The following ZNF609 variants were observed in gnomAD, a reference collection of about 807,000 sequenced individuals.
ZNF609 encodes zinc finger protein 609.
In ZNF609, 11 loss-of-function variants were observed where a neutral mutation model predicts 109.5. That is an observed-to-expected ratio of 0.10 (90% CI 0.06 to 0.17). The LOEUF is 0.17. Among genes scored for constraint, ZNF609 ranks in the 10% least tolerant of loss-of-function variants. The probability of loss-of-function intolerance (pLI) is 1.00; values close to 1 mark genes in which losing one functional copy is unlikely to be tolerated. For missense variants in ZNF609, 1,559 were observed against 1,772.4 expected (o/e 0.88, Z 2.16); for synonymous variants, 646 against 662.0 (o/e 0.98, Z 0.37).
chr15:64,600,189 G>A (rs1296057405), intron 2 of ZNF609, among the ~76,000 whole-genome samples: 1 of 151,746 alleles, frequency 6.6e-6, no homozygotes, highest in Non-Finnish European at 1.5e-5. Context: ...GGTGGCTCAC[G>A]CCTATAATCC....
intron 5 of ZNF609, 67 bp downstream of exon 5, chr15:64,676,323 G>T: frequency 6.8e-7 from 1 of 1,479,198 alleles, no homozygotes; most frequent in East Asian, 2.3e-5. Context: ...CACAAATAAG[G>T]GCTGTCCTTA....
At chr15:64,646,965 A>C (rs1896345191) in intron 3 of ZNF609, among the ~76,000 whole-genome samples, 1 of 145,914 alleles carries the variant, frequency 6.9e-6, no homozygotes, top group Admixed American at 7.1e-5. Flanking sequence ...AAAAAAAATC[A>C]ACCTGGTATG....
At chr15:64,502,205 A>G (rs1356861915) in intron 2 of ZNF609, 2 of 152,226 alleles carry the variant, frequency 1.3e-5, no homozygotes, top group African/African-American at 4.8e-5. Flanking sequence ...ATAAGCAAGA[A>G]CCTGCTTTCT....
At chr15:64,636,410 TA>T (rs1446466857) in intron 3 of ZNF609, among the ~76,000 whole-genome samples, 2 of 152,184 alleles carry the variant, frequency 1.3e-5, no homozygotes, top group Non-Finnish European at 1.5e-5. Context: ...TTAGGGTATC[TA>T]AAAGCAGCCC....
chr15:64,537,579 A>G (rs1037949985), intron 2 of ZNF609, among the ~76,000 whole-genome samples: 2 of 152,156 alleles, frequency 1.3e-5, no homozygotes, highest in African/African-American at 4.8e-5. Context: ...AAAAAATACT[A>G]GAGCTGTATT....
intron 3 of ZNF609, among the ~76,000 whole-genome samples, chr15:64,628,064 G>A (rs1896000730): frequency 1.3e-5 from 2 of 151,558 alleles, no homozygotes; most frequent in African/African-American, 4.8e-5. Flanking sequence ...CTTGAGCCCA[G>A]GAGTTTGAGA....
At position 64,609,529 on chromosome 15, in the gene ZNF609, T is replaced by C. The variant is rs919122719; in HGVS notation, c.748-13298T>C. Among the ~76,000 whole-genome samples the C allele has an allele frequency of 2.3e-4, 34 of 150,668 alleles. No homozygotes were observed. In the East Asian group the frequency reaches 3.7e-3, roughly 16 times the overall value. On this transcript the variant is annotated intron_variant, in intron 2 of 9. Transcript: ENST00000326648. ...TTCATCATGTTGTCCAGGCTGGTCT[T>C]GAACTCCTGACCTCAGGTGATCCAC...
chr15:64,589,016 C>T (rs1228808592), intron 2 of ZNF609, among the ~76,000 whole-genome samples: 1 of 152,170 alleles, frequency 6.6e-6, no homozygotes, highest in African/African-American at 2.4e-5. Flanking sequence ...GTTTACACAT[C>T]AGAATGTTAT....
chr15:64,523,887 AAATGGCTTT>A (rs1893929506), intron 2 of ZNF609, among the ~76,000 whole-genome samples: 1 of 152,162 alleles, frequency 6.6e-6, no homozygotes, highest in East Asian at 1.9e-4. Flanking sequence ...CATGTTTATC[AAATGGCTTT>A]AATGTTCCTG....
At chr15:64,510,867 T>C (rs1386863627) in intron 2 of ZNF609, among the ~76,000 whole-genome samples, 1 of 152,174 alleles carries the variant, frequency 6.6e-6, no homozygotes, top group Non-Finnish European at 1.5e-5. Flanking sequence ...GATTATGTTT[T>C]GATGAGCCAG....
At chr15:64,616,514 C>CTTT (rs56145140) in intron 2 of ZNF609, among the ~76,000 whole-genome samples, 18 of 66,950 alleles carry the variant, frequency 2.7e-4, no homozygotes, top group Admixed American at 4.8e-4. Context: ...AAACTGATAT[C>CTTT]TTTTTTTTTT....
chr15:64,629,359 G>A (rs1337674460), intron 3 of ZNF609, among the ~76,000 whole-genome samples: 1 of 152,182 alleles, frequency 6.6e-6, no homozygotes, highest in East Asian at 1.9e-4. Flanking sequence ...GTTAGGAATG[G>A]CATTTAGCTG....
At chr15:64,507,434 C>G (rs1412448440) in intron 2 of ZNF609, among the ~76,000 whole-genome samples, 1 of 152,204 alleles carries the variant, frequency 6.6e-6, no homozygotes, top group Non-Finnish European at 1.5e-5. Flanking sequence ...GTGGTTTTCA[C>G]TCTTCAAGCC....
rs746675537 is a variant in ZNF609, at chr15:64,499,883, G to A, written c.464G>A (p.Gly155Asp). Reference protein sequence around the residue: ...KAAKASRSVAGSKKEKENSSS... With the variant: ...KAAKASRSVADSKKEKENSSS... ...GCTAAGGCATCCCGCAGTGTAGCCG[G>A]TTCCAAAAAGGAGAAGGAGAACAGC... is the stretch of plus-strand genomic sequence containing the variant. The change falls in exon 2 of 10, where the codon GGT (glycine) becomes GAT (aspartate). Residue 155 changes from glycine to aspartate, a missense_variant. Gly to Asp is a moderately conservative substitution (Grantham distance 94). Transcript: ENST00000326648. The A allele has an allele frequency of 1.2e-6, 2 of 1,614,056 alleles. No individual in the cohort carries two copies. The highest frequency in any genetic ancestry group is 3.3e-5 in the Admixed American group (2 of 59,990).
chr15:64,481,319 C>CTTT (rs889184379), intron 1 of ZNF609, among the ~76,000 whole-genome samples: 5 of 127,268 alleles, frequency 3.9e-5, no homozygotes, highest in Admixed American at 8.0e-5. Flanking sequence ...TTTCTTTTTT[C>CTTT]TTTTTTTTTT....
At chr15:64,678,584 GCTC>G (rs1896839627) in intron 6 of ZNF609, 102 bp downstream of exon 6, 1 of 1,486,852 alleles carries the variant, frequency 6.7e-7, no homozygotes, top group African/African-American at 1.4e-5. Context: ...GCATATTGAG[GCTC>G]GCTTAGATGA....
intron 3 of ZNF609, among the ~76,000 whole-genome samples, chr15:64,662,630 G>A (rs1032805795): frequency 9.5e-5 from 14 of 147,682 alleles, no homozygotes; most frequent in African/African-American, 3.5e-4. Flanking sequence ...TGGCCATGAA[G>A]CATTTTTAAA....
rs894860124 is a variant in ZNF609, at chr15:64,641,310, C to G, written c.973+18258C>G. On this transcript the variant is annotated intron_variant, in intron 3 of 9. Transcript: ENST00000326648. ...TCGGCTCACCACAACCTCTGCCTCC[C>G]AGGTTCAAGCAATTCTCCTGCTTCA... Among the ~76,000 whole-genome samples, 7 of 146,808 alleles carry G rather than the reference C, an allele frequency of 4.8e-5. No individual in the cohort carries two copies. In the East Asian group the frequency reaches 1.2e-3, roughly 26 times the overall value.
At chr15:64,637,578 C>T (rs1241341693) in intron 3 of ZNF609, among the ~76,000 whole-genome samples, 1 of 152,072 alleles carries the variant, frequency 6.6e-6, no homozygotes, top group African/African-American at 2.4e-5. Flanking sequence ...TTTAGCCATT[C>T]TGGTGGTGTG....
Sources: allele counts gnomAD v4.1 joint callset (sites outside exome capture counted in the v4.1 genomes callset), GRCh38; gene constraint gnomAD v4.1.1; transcripts MANE v1.5; gene names NCBI Gene and HGNC (gene_info 2026-07-23, HGNC 2026-07-21).